Variants in BPGM observed in about 807,000 individuals in gnomAD.
BPGM encodes the protein bisphosphoglycerate mutase, also known as 2,3-bisphosphoglycerate mutase, erythrocyte.
BPGM carries 15 observed loss-of-function variants against 21.6 expected under a neutral mutation model. That is an observed-to-expected ratio of 0.70 (90% confidence interval 0.47 to 1.07). The LOEUF (loss-of-function observed/expected upper bound fraction) is 1.07, where lower values mean the gene tolerates loss of function less well. Ranked by LOEUF, BPGM falls within the 50% of genes least tolerant of loss-of-function variation. The pLI is 0.00. For missense variants in BPGM, 273 were observed against 319.0 expected (o/e 0.86, Z 1.10); for synonymous variants, 113 against 116.2 (o/e 0.97, Z 0.18).
At chr7:134,657,365 C>A (rs995222999) in intron 1 of BPGM, among the ~76,000 whole-genome samples, 9 of 152,166 alleles carry the variant, frequency 5.9e-5, no homozygotes, top group Non-Finnish European at 1.2e-4. Flanking sequence ...AAACGAAAGC[C>A]TTGCAGGTCA....
Position 134,661,863 on chromosome 7 carries a change from A to G in BPGM, c.356A>G (p.Tyr119Cys). Residue 119 changes from tyrosine to cysteine, a missense_variant, in exon 2 of 3, where the codon TAC becomes TGC. Tyr to Cys is a radical substitution (Grantham distance 194). Transcript: ENST00000344924. The surrounding 1 kb of genome is among the most constrained non-coding windows in gnomAD (Gnocchi z 4.6). ...CAAGTGAGGCTCTGGAGAAGAAGCTACAATGTAACCCCGCCTCCCATTGAG... is the reference window on the plus strand; with the variant it reads ...CAAGTGAGGCTCTGGAGAAGAAGCTGCAATGTAACCCCGCCTCCCATTGAG... Reference protein sequence around the residue: ...EEQVRLWRRSYNVTPPPIEES... With the variant: ...EEQVRLWRRSCNVTPPPIEES... The G allele has an allele frequency of 6.8e-6, 11 of 1,607,824 alleles. No individual in the cohort carries two copies. The highest frequency in any genetic ancestry group is 8.5e-6 in the Non-Finnish European group (10 of 1,176,214).
chr7:134,650,045 ATC>A (rs1427218142), intron 1 of BPGM, among the ~76,000 whole-genome samples: 1 of 152,226 alleles, frequency 6.6e-6, no homozygotes, highest in Non-Finnish European at 1.5e-5. Context: ...CATGATCCTC[ATC>A]TTTATAGATA....
chr7:134,648,220 C>G (rs1414798924), intron 1 of BPGM, among the ~76,000 whole-genome samples: 1 of 151,086 alleles, frequency 6.6e-6, no homozygotes, highest in Non-Finnish European at 1.5e-5. Flanking sequence ...ACCGCAACCT[C>G]CGCCTCCTGG....
Position 134,646,896 on chromosome 7 carries a change from C to A in BPGM, c.-103C>A. 1 of 189,142 alleles carries A rather than the reference C, an allele frequency of 5.3e-6. No individual in the cohort carries two copies. The highest frequency in any genetic ancestry group is 1.1e-5 in the Non-Finnish European group (1 of 88,356). The allele number at this position is 189,142 out of a possible 1,614,324, so 11.7% of individuals were successfully genotyped here. ...CTGGCTCTTTGGCGGCTCGGAGGAG[C>A]GGCTGCTGCTGCTGCTGCTGCTGCT... On this transcript the variant is annotated 5_prime_UTR_variant, in exon 1 of 3. Coordinates refer to ENST00000344924, the MANE Select transcript of BPGM (RefSeq NM_001724.5).
At chr7:134,674,704 T>C (rs1264943430) in intron 2 of BPGM, among the ~76,000 whole-genome samples, 1 of 152,250 alleles carries the variant, frequency 6.6e-6, no homozygotes, top group Non-Finnish European at 1.5e-5. Flanking sequence ...TTGACTATTA[T>C]GAGTAATGCT....
At chr7:134,656,298 C>T (rs907921530) in intron 1 of BPGM, among the ~76,000 whole-genome samples, 2 of 152,250 alleles carry the variant, frequency 1.3e-5, no homozygotes, top group African/African-American at 2.4e-5. Flanking sequence ...TGAAATGTGG[C>T]TGGTTCACAT....
At chr7:134,663,557 G>C (rs959212989) in intron 2 of BPGM, among the ~76,000 whole-genome samples, 1 of 152,194 alleles carries the variant, frequency 6.6e-6, no homozygotes, top group Non-Finnish European at 1.5e-5. Context: ...AAGAGTTGAG[G>C]CTTCTACTAG....
chr7:134,671,527 A>T (rs1013907870), intron 2 of BPGM, among the ~76,000 whole-genome samples: 14 of 151,814 alleles, frequency 9.2e-5, no homozygotes, highest in Non-Finnish European at 1.5e-4. Flanking sequence ...ACGCCCGGCT[A>T]ATTTTGTTTT....
At chr7:134,667,169 A>G (rs954852405) in intron 2 of BPGM, among the ~76,000 whole-genome samples, 2 of 152,160 alleles carry the variant, frequency 1.3e-5, no homozygotes. Flanking sequence ...CCTACTGTTT[A>G]GGGGGGAAAT....
chr7:134,656,553 G>A (rs900665473), intron 1 of BPGM, among the ~76,000 whole-genome samples: 3 of 152,206 alleles, frequency 2.0e-5, no homozygotes, highest in African/African-American at 7.2e-5. Context: ...TGGAAGGGAA[G>A]CAAACATGTC....
intron 1 of BPGM, among the ~76,000 whole-genome samples, chr7:134,648,516 C>A (rs1452346635): frequency 6.6e-6 from 1 of 152,146 alleles, no homozygotes; most frequent in African/African-American, 2.4e-5. Flanking sequence ...GCACCTCATA[C>A]ACCGCAGATG....
intron 2 of BPGM, among the ~76,000 whole-genome samples, chr7:134,673,784 A>G (rs1480499025): frequency 2.0e-5 from 3 of 152,122 alleles, no homozygotes; most frequent in African/African-American, 7.2e-5. Flanking sequence ...AACCATGGAT[A>G]AGTCACCTGA....
At chr7:134,647,924 A>G (rs1795487169) in intron 1 of BPGM, among the ~76,000 whole-genome samples, 1 of 151,706 alleles carries the variant, frequency 6.6e-6, no homozygotes, top group South Asian at 2.1e-4. Flanking sequence ...CAGCCTCCCA[A>G]GTAGCTGGGA....
intron 1 of BPGM, among the ~76,000 whole-genome samples, chr7:134,649,856 C>T (rs1795528607): frequency 6.6e-6 from 1 of 152,266 alleles, no homozygotes; most frequent in South Asian, 2.1e-4. Flanking sequence ...TTACTTTATT[C>T]CCAGCTTTCG....
chr7:134,663,403 C>T lies in BPGM; in HGVS notation c.601+1295C>T, dbSNP rs113111199. 1.1e-4 allele frequency among the ~76,000 whole-genome samples: 17 copies of T among 151,924 alleles called. 1 individual carries two copies. The highest frequency in any genetic ancestry group is 3.9e-4 in the Admixed American group (6 of 15,190). ...GTGTGTGTTTGTGTGTGTGCACGTGCGCATGTGCGTGGGCACATGTGTATC... is the reference window on the plus strand; with the variant it reads ...GTGTGTGTTTGTGTGTGTGCACGTGTGCATGTGCGTGGGCACATGTGTATC... On this transcript the variant is annotated intron_variant, in intron 2 of 2. Coordinates refer to ENST00000344924, the MANE Select transcript of BPGM (RefSeq NM_001724.5).
rs1554411129 is a variant in BPGM, at chr7:134,658,892, A to ATTTTTTTTTTTTTTTTTTTT, written c.-61-2545_-61-2544insTTTTTTTTTTTTTTTTTTTT. ...TCTGTTCTGGTGTGTGTGTGTGTGT[A>ATTTTTTTTTTTTTTTTTTTT]TTTTTTTTTTAGTAAAAAGAAAACA... On this transcript the variant is annotated intron_variant, in intron 1 of 2. Coordinates refer to ENST00000344924, the MANE Select transcript of BPGM (RefSeq NM_001724.5). 2.0e-3 allele frequency among the ~76,000 whole-genome samples: 283 copies of ATTTTTTTTTTTTTTTTTTTT among 143,804 alleles called. 3 individuals carry two copies. Among genetic ancestry groups the ATTTTTTTTTTTTTTTTTTTT allele is most frequent in the African/African-American group, 6.9e-3 (263 of 38,110 alleles). The allele number at this position is 143,804 out of a possible 152,430, so 94.3% of individuals were successfully genotyped here. A position where few individuals can be genotyped will look rare whatever the true frequency, so the allele number is the denominator to read the frequency against.
At chr7:134,663,815 G>T (rs745598950) in intron 2 of BPGM, among the ~76,000 whole-genome samples, 3 of 152,044 alleles carry the variant, frequency 2.0e-5, no homozygotes, top group African/African-American at 4.8e-5. Context: ...ATTTATTATA[G>T]ATCTCTTTAA....
intron 2 of BPGM, among the ~76,000 whole-genome samples, chr7:134,676,869 C>T (rs1795989832): frequency 6.6e-6 from 1 of 152,202 alleles, no homozygotes; most frequent in Admixed American, 6.5e-5. Context: ...ACTTCCCCTC[C>T]TGCTCTTTCC....
intron 1 of BPGM, chr7:134,658,401 T>C (rs1281220877): frequency 6.6e-6 from 1 of 152,234 alleles, no homozygotes; most frequent in Admixed American, 6.5e-5. Flanking sequence ...ATCGGAAAAC[T>C]TTCTGTTTAC....
Sources: allele counts gnomAD v4.1 joint callset (sites outside exome capture counted in the v4.1 genomes callset), GRCh38; gene constraint gnomAD v4.1.1; non-coding constraint Gnocchi (gnomAD v3.1); transcripts MANE v1.5; gene names NCBI Gene and HGNC (gene_info 2026-07-23, HGNC 2026-07-21).